Variants in PCDHA2 observed in about 807,000 individuals in gnomAD.
The protein encoded by PCDHA2 is protocadherin alpha 2.
In PCDHA2, 58 loss-of-function variants were observed where a neutral mutation model predicts 66.0. That is an observed-to-expected ratio of 0.88 (90% CI 0.71 to 1.09). The LOEUF (loss-of-function observed/expected upper bound fraction) is 1.09. Among genes scored for constraint, PCDHA2 ranks in the 50% least tolerant of loss-of-function variants. PCDHA2 has a pLI of 0.00. For synonymous variants in PCDHA2, 634 were observed against 554.0 expected (o/e 1.14, Z -2.03); for missense variants, 1,267 against 1,242.3 (o/e 1.02, Z -0.30).
intron 1 of PCDHA2, chr5:140,842,664 T>C: frequency 6.3e-7 from 1 of 1,595,188 alleles, no homozygotes; most frequent in Non-Finnish European, 8.6e-7. Context: ...GTGGCCGACG[T>C]GAACGACAAT....
chr5:140,803,808 G>T (rs1217237493), intron 1 of PCDHA2: 2 of 748,334 alleles, frequency 2.7e-6, no homozygotes, highest in Non-Finnish European at 4.2e-6. Context: ...TTGTAATTTT[G>T]TTTTGTTATT....
At chr5:140,834,438 A>G (rs2150217991) in intron 1 of PCDHA2, 1 of 1,606,228 alleles carries the variant, frequency 6.2e-7, no homozygotes, top group South Asian at 1.1e-5. Flanking sequence ...GCTGTTTATT[A>G]TAATTCTAGC....
At chr5:140,811,900 G>A (rs1259362613) in intron 1 of PCDHA2, 1 of 152,042 alleles carries the variant, frequency 6.6e-6, no homozygotes, top group Non-Finnish European at 1.5e-5. Flanking sequence ...CTGGATATTA[G>A]CCCTTTGTCA....
chr5:140,850,927 T>C, intron 1 of PCDHA2: 1 of 1,521,264 alleles, frequency 6.6e-7, no homozygotes, highest in Non-Finnish European at 8.8e-7. Flanking sequence ...TATATAATTT[T>C]TTTTCTTGAA....
At chr5:141,007,402 A>G in intron 3 of PCDHA2, among the ~76,000 whole-genome samples, 2 of 149,740 alleles carry the variant, frequency 1.3e-5, no homozygotes. Context: ...ATACAAAAAA[A>G]AAAAAAAAAA....
In PCDHA2 at chr5:140,856,229, C is replaced by T. The variant is rs17844338; in HGVS notation, c.2388+58877C>T. On this transcript the variant is annotated intron_variant, in intron 1 of 3. Transcript: ENST00000526136. ...GCTGGAGCTGGCGGAGCTGGTGCAG[C>T]GCCTGTTCCGGGTGGCGTCCAAAAG... 5 of 1,597,818 alleles carry T rather than the reference C, an allele frequency of 3.1e-6. No homozygotes were observed. The South Asian group carries it at 4.4e-5, about 14-fold the overall frequency.
At chr5:140,987,431 C>G (rs187493051) in intron 3 of PCDHA2, among the ~76,000 whole-genome samples, 1 of 152,232 alleles carries the variant, frequency 6.6e-6, no homozygotes, top group East Asian at 1.9e-4. Context: ...AGCAGGGGGC[C>G]TTTCCCCATG....
At chr5:140,891,644 T>C (rs1554184907) in intron 1 of PCDHA2, among the ~76,000 whole-genome samples, 1 of 152,246 alleles carries the variant, frequency 6.6e-6, no homozygotes, top group Non-Finnish European at 1.5e-5. Context: ...TGGGCTTTAT[T>C]GTGGATAGTT....
At chr5:140,966,997 G>A in intron 1 of PCDHA2, 3 of 1,604,812 alleles carry the variant, frequency 1.9e-6, no homozygotes, top group Non-Finnish European at 2.5e-6. Flanking sequence ...CGGGTTGCTT[G>A]CGCATCAACC....
chr5:140,999,027 T>A (rs2097843534), intron 3 of PCDHA2, among the ~76,000 whole-genome samples: 1 of 152,262 alleles, frequency 6.6e-6, no homozygotes, highest in Admixed American at 6.5e-5. Flanking sequence ...AGACTTTTGA[T>A]ACTTCGTCCA....
intron 1 of PCDHA2, chr5:140,883,172 AT>A: frequency 1.2e-6 from 2 of 1,614,038 alleles, no homozygotes; most frequent in Non-Finnish European, 1.7e-6. Flanking sequence ...CAATGGAGAA[AT>A]TAGGACAAAA....
At chr5:140,999,321 A>G (rs1043394227) in intron 3 of PCDHA2, among the ~76,000 whole-genome samples, 32 of 152,198 alleles carry the variant, frequency 2.1e-4, no homozygotes, top group Non-Finnish European at 3.2e-4. Context: ...ACAGACATTG[A>G]TCTGTGTGAT....
At chr5:140,800,355 G>A (rs1056354869) in intron 1 of PCDHA2, among the ~76,000 whole-genome samples, 1 of 152,018 alleles carries the variant, frequency 6.6e-6, no homozygotes, top group African/African-American at 2.4e-5. Context: ...TCTTGAAAAA[G>A]GGGCATGGGA....
At chr5:140,801,681 A>T in intron 1 of PCDHA2, 2 of 1,614,248 alleles carry the variant, frequency 1.2e-6, no homozygotes, top group South Asian at 2.2e-5. Context: ...AGATGCAGAT[A>T]TCGGAACAAA....
intron 1 of PCDHA2, chr5:140,804,586 T>C (rs1554123102): frequency 1.3e-5 from 2 of 152,382 alleles, no homozygotes; most frequent in African/African-American, 4.8e-5. Context: ...GAAATAAGTT[T>C]GATAAGCCAA....
intron 1 of PCDHA2, among the ~76,000 whole-genome samples, chr5:140,820,870 T>C (rs1766848710): frequency 6.6e-6 from 1 of 152,114 alleles, no homozygotes; most frequent in Non-Finnish European, 1.5e-5. Context: ...ATGCTTCTAA[T>C]TTGAAAATAG....
chr5:140,828,576 T>C, intron 1 of PCDHA2: 3 of 1,614,230 alleles, frequency 1.9e-6, no homozygotes, highest in Admixed American at 1.7e-5. Context: ...GATGCAGATG[T>C]TGGCTCAAAT....
chr5:140,831,050 T>A (rs1228515623), intron 1 of PCDHA2: 2 of 152,266 alleles, frequency 1.3e-5, no homozygotes, highest in Non-Finnish European at 2.9e-5. Context: ...TAGTGTTCAT[T>A]TATTGTCCCC....
At chr5:140,806,888 T>C (rs1480925062) in intron 1 of PCDHA2, 4 of 435,694 alleles carry the variant, frequency 9.2e-6, no homozygotes, top group Middle Eastern at 3.1e-4. Flanking sequence ...ACAAAATGTA[T>C]TCCTATTCTC....
Sources: allele counts gnomAD v4.1 joint callset (sites outside exome capture counted in the v4.1 genomes callset), GRCh38; gene constraint gnomAD v4.1.1; transcripts MANE v1.5; gene names NCBI Gene and HGNC (gene_info 2026-07-23, HGNC 2026-07-21).